TPTE: variants seen among roughly 807,000 people sequenced by gnomAD.
TPTE encodes putative tyrosine-protein phosphatase TPTE.
A neutral mutation model predicts 84.1 loss-of-function variants in TPTE; 59 were observed. The observed-to-expected ratio is 0.70, with a 90% CI of 0.57 to 0.87. TPTE has a LOEUF of 0.87. Ranked by LOEUF, TPTE falls within the 40% of genes least tolerant of loss-of-function variation. The pLI is 0.00. For synonymous variants in TPTE, 130 were observed against 223.5 expected, an observed-to-expected ratio of 0.58 and a Z score of 3.73; for missense variants, 382 against 659.6, an observed-to-expected ratio of 0.58 and a Z score of 4.61.
chr21:10,529,048 G>A, intron 3 of TPTE, among the ~76,000 whole-genome samples: 1 of 152,308 alleles, frequency 6.6e-6, no homozygotes, highest in East Asian at 1.9e-4. Context: ...GCTGGGCATG[G>A]TGGTGCATGC....
intron 6 of TPTE, among the ~76,000 whole-genome samples, chr21:10,543,014 C>CTTTTTTTTT (rs1051322060): frequency 8.3e-5 from 6 of 72,288 alleles, no homozygotes; most frequent in Non-Finnish European, 1.2e-4. Context: ...TGACTGTATT[C>CTTTTTTTTT]TTTTTTTTTT....
chr21:10,599,448 C>T (rs1465464339), intron 21 of TPTE, among the ~76,000 whole-genome samples: 1 of 152,312 alleles, frequency 6.6e-6, no homozygotes, highest in Non-Finnish European at 1.5e-5. Context: ...CACTGTGTGC[C>T]TGTAGTCAGA....
intron 10 of TPTE, among the ~76,000 whole-genome samples, chr21:10,563,538 TTTC>T (rs1276059908): frequency 2.0e-5 from 3 of 152,306 alleles, no homozygotes; most frequent in Non-Finnish European, 4.4e-5. Context: ...TTTTATTAGT[TTTC>T]TTTTTACTTG....
rs779650133 is a variant in TPTE at position 10,590,491 on chromosome 21, C to T, written c.1057C>T (p.Leu353Phe). 6.2e-7 allele frequency: 1 copy of T among 1,614,116 alleles called. No individual in the cohort carries two copies. Among genetic ancestry groups the T allele is most frequent in the South Asian group, 1.1e-5 (1 of 91,080 alleles). Residue 353 changes from leucine to phenylalanine, a missense_variant, in exon 18 of 24, where the codon CTT becomes TTT. By Grantham distance (22) the Leu-to-Phe change is conservative (BLOSUM62 0). Around this residue, in one of 10 missense-constraint regions of TPTE, gnomAD observed 37 missense variants for 28.3 expected, o/e 1.31. Coordinates refer to ENST00000618007, the MANE Select transcript of TPTE (RefSeq NM_199261.4). ...AACAGGAACTATGGTTTGTGCCTTC[C>T]TTATTGCCTCTGAAATATGTTCAAC... ...DRTGTMVCAFLIASEICSTAK... is the reference protein window; with the variant it reads ...DRTGTMVCAFFIASEICSTAK...
chr21:10,560,375 A>G (rs190493769), intron 9 of TPTE, among the ~76,000 whole-genome samples: 112 of 152,388 alleles, frequency 7.3e-4, no homozygotes, highest in African/African-American at 2.6e-3. Context: ...CAAGTTTTTA[A>G]AAAAGTACTT....
intron 21 of TPTE, among the ~76,000 whole-genome samples, chr21:10,598,517 A>T (rs112021355): frequency 9.1e-4 from 139 of 151,994 alleles, no homozygotes; most frequent in African/African-American, 3.0e-3. Flanking sequence ...AAAGATTTAC[A>T]TTCCTAGGTT....
At chr21:10,590,150 C>CTAAG in intron 17 of TPTE, among the ~76,000 whole-genome samples, 1 of 152,304 alleles carries the variant, frequency 6.6e-6, no homozygotes, top group Non-Finnish European at 1.5e-5. Context: ...TTCTTTTTTA[C>CTAAG]TATTATCCAA....
At chr21:10,521,904 G>GCCTC (rs1417119316) in intron 1 of TPTE, among the ~76,000 whole-genome samples, 8 of 151,996 alleles carry the variant, frequency 5.3e-5, no homozygotes, top group African/African-American at 1.9e-4. Context: ...ACTCCGCGAC[G>GCCTC]CCTCCCTCCC....
intron 10 of TPTE, among the ~76,000 whole-genome samples, chr21:10,561,946 T>C (rs1005500728): frequency 2.0e-5 from 3 of 152,312 alleles, no homozygotes; most frequent in African/African-American, 7.2e-5. Flanking sequence ...CGTGCTGTGC[T>C]GGCCTCAGGT....
At chr21:10,548,972 T>TC (rs1438084578) in intron 7 of TPTE, among the ~76,000 whole-genome samples, 2 of 152,426 alleles carry the variant, frequency 1.3e-5, no homozygotes, top group African/African-American at 2.4e-5. Context: ...AAAGCCATAC[T>TC]CCAAGTTTTC....
intron 17 of TPTE, among the ~76,000 whole-genome samples, chr21:10,581,862 G>C (rs1204870033): frequency 6.6e-6 from 1 of 152,310 alleles, no homozygotes; most frequent in Non-Finnish European, 1.5e-5. Flanking sequence ...GCCCCTCTGA[G>C]TAAGTGGGAC....
intron 19 of TPTE, 25 bp from the exon 20 acceptor site, chr21:10,595,957 A>C: frequency 6.2e-7 from 1 of 1,613,038 alleles, no homozygotes; most frequent in South Asian, 1.1e-5. Context: ...TCTCCACTTA[A>C]AGGAAGATTT....
intron 3 of TPTE, among the ~76,000 whole-genome samples, chr21:10,536,451 C>T (rs1005528039): frequency 6.6e-6 from 1 of 152,308 alleles, no homozygotes; most frequent in Non-Finnish European, 1.5e-5. Flanking sequence ...GAATTGACAT[C>T]AATGACCTAT....
At chr21:10,557,153 G>C (rs1472749592) in intron 8 of TPTE, among the ~76,000 whole-genome samples, 1 of 152,306 alleles carries the variant, frequency 6.6e-6, no homozygotes, top group Non-Finnish European at 1.5e-5. Flanking sequence ...CAAGCACTTT[G>C]AGTAATTGTT....
intron 17 of TPTE, among the ~76,000 whole-genome samples, chr21:10,583,552 G>A (rs1197964020): frequency 3.5e-4 from 54 of 152,286 alleles, no homozygotes; most frequent in Non-Finnish European, 5.9e-5. Flanking sequence ...CTCAGGAGTA[G>A]CTTTTGGTTA....
intron 10 of TPTE, among the ~76,000 whole-genome samples, chr21:10,563,962 TG>T: frequency 6.6e-6 from 1 of 152,430 alleles, no homozygotes; most frequent in East Asian, 1.9e-4. Context: ...CAGACCATCC[TG>T]GCAAACATGG....
Position 10,596,062 on chromosome 21 carries a change from A to C in TPTE, c.1251A>C (p.Lys417Asn). The C allele has an allele frequency of 1.9e-6, 3 of 1,614,078 alleles. No homozygotes were observed. The highest frequency in any genetic ancestry group is 2.5e-6 in the Non-Finnish European group (3 of 1,179,876). Residue 417 changes from lysine (K) to asparagine (N), a missense_variant, in exon 20 of 24, where the codon AAA becomes AAC. Coordinates refer to ENST00000618007, the MANE Select transcript of TPTE (RefSeq NM_199261.4). ...NLPPRRILFI[K>N]HFIIYSIPRY... ...CTCCAAGACGGATACTCTTTATAAA[A>C]CACTTCATTATTTATTCGATTCCTC...
intron 1 of TPTE, among the ~76,000 whole-genome samples, chr21:10,522,270 G>T (rs1358291899): frequency 1.1e-4 from 16 of 152,284 alleles, no homozygotes; most frequent in African/African-American, 3.4e-4. Context: ...GGCTGCATCC[G>T]CTCTTGGCCG....
chr21:10,551,342 G>C (rs56906468), intron 7 of TPTE, among the ~76,000 whole-genome samples: 2,974 of 151,064 alleles, frequency 0.02, no homozygotes, highest in African/African-American at 0.07. Flanking sequence ...TGTAAATGAC[G>C]AGTTAATGGG....
Sources: gnomAD v4.1 joint callset for allele counts (sites outside exome capture counted in the v4.1 genomes callset) on GRCh38, gnomAD v4.1.1 for gene constraint, gnomAD v4.1.1 regional missense constraint, MANE v1.5 for transcripts, NCBI Gene and HGNC (gene_info 2026-07-23, HGNC 2026-07-21) for gene names.